Variants in CNTN5 observed in about 807,000 individuals in gnomAD.
CNTN5 encodes contactin-5.
In CNTN5, 77 loss-of-function variants were observed where a neutral mutation model predicts 129.1. The observed-to-expected ratio is 0.60, with a 90% confidence interval of 0.50 to 0.72. CNTN5 has a LOEUF of 0.72. Ranked by LOEUF, CNTN5 falls within the 30% of genes least tolerant of loss-of-function variation. The pLI is 0.00. For missense variants in CNTN5, 1,478 were observed against 1,328.8 expected, an observed-to-expected ratio of 1.11 and a Z score of -1.75; for synonymous variants, 509 against 465.6, an observed-to-expected ratio of 1.09 and a Z score of -1.20.
intron 16 of CNTN5, among the ~76,000 whole-genome samples, chr11:100,235,331 C>G (rs1197518223): frequency 1.3e-5 from 2 of 152,044 alleles, no homozygotes; most frequent in African/African-American, 4.8e-5. Context: ...GGAGATCAGT[C>G]AGAGTGATGG....
At chr11:99,906,038 G>A (rs568678224) in intron 6 of CNTN5, among the ~76,000 whole-genome samples, 35 of 152,162 alleles carry the variant, frequency 2.3e-4, no homozygotes, top group Non-Finnish European at 3.8e-4. Flanking sequence ...ATTTTGGGCT[G>A]AGACGATAGG....
At chr11:99,442,548 G>C (rs886364147) in intron 2 of CNTN5, among the ~76,000 whole-genome samples, 4 of 152,146 alleles carry the variant, frequency 2.6e-5, no homozygotes, top group African/African-American at 7.2e-5. Context: ...CAGAGCTCTA[G>C]TGTTTTTCTA....
In CNTN5 at chr11:100,356,169, G is replaced by C. The variant is rs34539243; in HGVS notation, c.3252G>C (p.Ser1084=). Residue 1084 remains serine, a synonymous_variant, in exon 25 of 25, where the codon TCG becomes TCC. Transcript: ENST00000524871. ...QSTLHSLSTS[S]SSVTLLLALM... is the part of the protein sequence containing the mutation. The stretch of plus-strand genomic sequence containing the variant: ...CCCTTCACTCTCTCTCCACATCTTC[G>C]TCATCAGTCACCTTGCTCTTGGCAT... The C allele has an allele frequency of 1.2e-6, 2 of 1,610,412 alleles. No individual in the cohort carries two copies. The highest frequency in any genetic ancestry group is 1.7e-6 in the Non-Finnish European group (2 of 1,177,996).
At chr11:99,573,692 T>C (rs1949254290) in intron 3 of CNTN5, among the ~76,000 whole-genome samples, 1 of 152,054 alleles carries the variant, frequency 6.6e-6, no homozygotes, top group South Asian at 2.1e-4. Flanking sequence ...TGCGGTGGCG[T>C]GATCTTGGCT....
In CNTN5 at chr11:100,230,098, T is replaced by C. The variant is rs182648835; in HGVS notation, c.2005+5286T>C. 2.6e-5 allele frequency among the ~76,000 whole-genome samples: 4 copies of C among 152,344 alleles called. No individual in the cohort carries two copies. In the East Asian group the frequency reaches 7.7e-4, roughly 29 times the overall value. The stretch of plus-strand genomic sequence containing the variant: ...AATCCTAGTTAATATTAATACTAAA[T>C]ACATTTGCAAATAATATTTTAGAGA... On this transcript the variant is annotated intron_variant, in intron 16 of 24. Transcript: ENST00000524871.
chr11:99,266,045 G>A (rs1324144410), intron 1 of CNTN5, among the ~76,000 whole-genome samples: 1 of 152,052 alleles, frequency 6.6e-6, no homozygotes. Flanking sequence ...GATTAAGTTT[G>A]TCAGAGGAAG....
At chr11:99,954,172 G>A (rs1426605392) in intron 7 of CNTN5, among the ~76,000 whole-genome samples, 1 of 152,046 alleles carries the variant, frequency 6.6e-6, no homozygotes, top group Non-Finnish European at 1.5e-5. Flanking sequence ...AAACTACATA[G>A]AAAAATGGGG....
intron 9 of CNTN5, among the ~76,000 whole-genome samples, chr11:100,027,769 G>A (rs1941501019): frequency 1.3e-5 from 2 of 152,170 alleles, no homozygotes; most frequent in South Asian, 2.1e-4. Flanking sequence ...CTATGCTGTA[G>A]AGTGAAAACT....
At chr11:99,625,824 G>T (rs959149982) in intron 3 of CNTN5, among the ~76,000 whole-genome samples, 8 of 151,594 alleles carry the variant, frequency 5.3e-5, no homozygotes, top group Non-Finnish European at 1.2e-4. Context: ...GATATTTCAC[G>T]ATGACGTAAG....
intron 2 of CNTN5, among the ~76,000 whole-genome samples, chr11:99,532,936 A>G (rs10893470): frequency 0.24 from 37,087 of 152,164 alleles, 5,010 homozygotes; most frequent in Non-Finnish European, 0.31. Flanking sequence ...TTAAATACCA[A>G]TTGGGGCTGG....
intron 17 of CNTN5, among the ~76,000 whole-genome samples, chr11:100,267,266 C>CACACACACACACAT (rs1351933920): frequency 2.9e-5 from 4 of 137,076 alleles, no homozygotes; most frequent in Non-Finnish European, 1.5e-5. Context: ...CACACACACA[C>CACACACACACACAT]ACACACACAC....
intron 1 of CNTN5, among the ~76,000 whole-genome samples, chr11:99,061,511 C>A (rs1249591414): frequency 6.6e-6 from 1 of 152,110 alleles, no homozygotes; most frequent in East Asian, 1.9e-4. Flanking sequence ...TGGCTTCTAC[C>A]TATTGCTGCT....
At chr11:99,375,090 G>A (rs1270217329) in intron 2 of CNTN5, among the ~76,000 whole-genome samples, 1 of 152,088 alleles carries the variant, frequency 6.6e-6, no homozygotes, top group Non-Finnish European at 1.5e-5. Flanking sequence ...ATCACTTGAG[G>A]TCAGGAATTC....
intron 3 of CNTN5, among the ~76,000 whole-genome samples, chr11:99,703,048 AT>A (rs978613869): frequency 5.3e-5 from 8 of 150,792 alleles, no homozygotes; most frequent in Non-Finnish European, 1.5e-5. Flanking sequence ...CACAGGAAGA[AT>A]TTTTCTTCTA....
intron 3 of CNTN5, among the ~76,000 whole-genome samples, chr11:99,588,581 G>A (rs529387177): frequency 6.6e-6 from 1 of 152,126 alleles, no homozygotes; most frequent in African/African-American, 2.4e-5. Flanking sequence ...CGTGGTGGAG[G>A]TAGGAGAATT....
chr11:99,925,757 A>T (rs1300967685), intron 7 of CNTN5, among the ~76,000 whole-genome samples: 1 of 152,046 alleles, frequency 6.6e-6, no homozygotes, highest in Non-Finnish European at 1.5e-5. Flanking sequence ...TTCTTCTTCA[A>T]CCTAGTTTAA....
chr11:99,827,927 T>A (rs1317323043), intron 4 of CNTN5, among the ~76,000 whole-genome samples: 2 of 152,180 alleles, frequency 1.3e-5, no homozygotes, highest in African/African-American at 4.8e-5. Flanking sequence ...CTGTACAAGT[T>A]TATTAAACAG....
chr11:100,105,209 T>G (rs764797520), intron 13 of CNTN5, among the ~76,000 whole-genome samples: 6 of 152,144 alleles, frequency 3.9e-5, no homozygotes, highest in Non-Finnish European at 8.8e-5. Context: ...GGGGGAGAGA[T>G]AGCATTGGAA....
intron 4 of CNTN5, 86 bp from the exon 5 acceptor site, chr11:99,844,766 G>T: frequency 7.6e-7 from 1 of 1,319,006 alleles, no homozygotes; most frequent in South Asian, 1.5e-5. Context: ...CAAGAATTTT[G>T]AATATAAGTA....
Sources: gnomAD v4.1 joint callset for allele counts (sites outside exome capture counted in the v4.1 genomes callset) on GRCh38, gnomAD v4.1.1 for gene constraint, MANE v1.5 for transcripts, NCBI Gene and HGNC (gene_info 2026-07-23, HGNC 2026-07-21) for gene names.